The following SYT1 variants were observed in gnomAD, a reference collection of about 807,000 sequenced individuals.
SYT1 encodes the protein synaptotagmin 1, also known as synaptotagmin-1.
A neutral mutation model predicts 44.8 loss-of-function variants in SYT1; 8 were observed. The ratio of observed to expected loss-of-function variants is 0.18; its 90% CI spans 0.10 to 0.32. The LOEUF is 0.32. Ranked by LOEUF, SYT1 falls within the 10% of genes least tolerant of loss-of-function variation. The pLI is 1.00. For missense variants in SYT1, 286 were observed against 509.3 expected (o/e 0.56, Z 4.22); for synonymous variants, 154 against 188.8 (o/e 0.82, Z 1.51).
intron 3 of SYT1, among the ~76,000 whole-genome samples, chr12:79,174,766 T>C (rs188857453): frequency 6.6e-6 from 1 of 152,142 alleles, no homozygotes; most frequent in African/African-American, 2.4e-5. Context: ...GTTAAAAAAT[T>C]ATATTCCTTC....
chr12:79,413,432 C>T (rs184077268), intron 9 of SYT1, among the ~76,000 whole-genome samples: 60 of 152,302 alleles, frequency 3.9e-4, no homozygotes, highest in Admixed American at 2.5e-3. Context: ...AAATAGGATA[C>T]TCCCCATCTA....
chr12:79,215,556 G>A (rs1445704540), intron 3 of SYT1, among the ~76,000 whole-genome samples: 1 of 152,060 alleles, frequency 6.6e-6, no homozygotes, highest in South Asian at 2.1e-4. Flanking sequence ...AAGGCCAGGT[G>A]CGGTGGCTCA....
At chr12:79,295,350 A>G (rs1879829975) in intron 6 of SYT1, among the ~76,000 whole-genome samples, 1 of 152,172 alleles carries the variant, frequency 6.6e-6, no homozygotes. Flanking sequence ...AAAGAAATGT[A>G]ATAGTTCTGT....
At chr12:79,279,846 T>A (rs1269474736) in intron 4 of SYT1, among the ~76,000 whole-genome samples, 5 of 151,932 alleles carry the variant, frequency 3.3e-5, no homozygotes, top group Non-Finnish European at 5.9e-5. Context: ...TATATGCCAA[T>A]AATGATCAAG....
At chr12:78,988,219 C>G (rs550392978) in intron 2 of SYT1, among the ~76,000 whole-genome samples, 59 of 151,526 alleles carry the variant, frequency 3.9e-4, no homozygotes, top group Non-Finnish European at 7.2e-4. Flanking sequence ...TCCTTGCCAT[C>G]ATGGTTTTTA....
intron 2 of SYT1, among the ~76,000 whole-genome samples, chr12:79,034,099 TG>T (rs896713460): frequency 5.2e-4 from 79 of 151,620 alleles, no homozygotes; most frequent in African/African-American, 1.9e-3. Context: ...GCTGTCCTGT[TG>T]ATTTTGAATT....
At chr12:79,248,162 T>G (rs918847730) in intron 4 of SYT1, among the ~76,000 whole-genome samples, 9 of 152,170 alleles carry the variant, frequency 5.9e-5, no homozygotes, top group African/African-American at 2.2e-4. Flanking sequence ...CCAATGAGAT[T>G]TCTGAAAAAA....
At chr12:79,151,967 G>A (rs908738278) in intron 3 of SYT1, among the ~76,000 whole-genome samples, 1 of 152,122 alleles carries the variant, frequency 6.6e-6, no homozygotes, top group Non-Finnish European at 1.5e-5. Flanking sequence ...AAAGGGCTGA[G>A]AAAAGAACTG....
chr12:79,156,853 G>A (rs1274808126), intron 3 of SYT1, among the ~76,000 whole-genome samples: 1 of 152,116 alleles, frequency 6.6e-6, no homozygotes, highest in African/African-American at 2.4e-5. Flanking sequence ...TGTACTCAGT[G>A]ACTTCACTCA....
chr12:79,239,077 A>G (rs190455103), intron 4 of SYT1, among the ~76,000 whole-genome samples: 2 of 152,320 alleles, frequency 1.3e-5, no homozygotes, highest in Admixed American at 1.3e-4. Flanking sequence ...TACTGCTCCT[A>G]TACAGCAGGC....
intron 1 of SYT1, among the ~76,000 whole-genome samples, chr12:78,949,326 G>T (rs1878839626): frequency 6.6e-6 from 1 of 151,506 alleles, no homozygotes; most frequent in African/African-American, 2.4e-5. Flanking sequence ...ATATTAAAAT[G>T]GGTGTGAAAT....
chr12:78,961,542 AAGG>A (rs1412194590), intron 1 of SYT1, among the ~76,000 whole-genome samples: 1 of 152,110 alleles, frequency 6.6e-6, no homozygotes, highest in East Asian at 1.9e-4. Flanking sequence ...GTCTTTGTAG[AAGG>A]AGAAGATTTT....
chr12:78,896,529 A>G (rs1278929084), intron 1 of SYT1, among the ~76,000 whole-genome samples: 1 of 151,796 alleles, frequency 6.6e-6, no homozygotes, highest in Non-Finnish European at 1.5e-5. Flanking sequence ...GGAAAGAGAG[A>G]ACAAACATAT....
At chr12:79,433,272 C>T (rs1290637043) in intron 9 of SYT1, among the ~76,000 whole-genome samples, 1 of 152,150 alleles carries the variant, frequency 6.6e-6, no homozygotes, top group Non-Finnish European at 1.5e-5. Context: ...CACTGAAGAC[C>T]AGGAACCCGT....
intron 2 of SYT1, among the ~76,000 whole-genome samples, chr12:78,978,829 C>A (rs1227875985): frequency 6.6e-6 from 1 of 152,156 alleles, no homozygotes; most frequent in Non-Finnish European, 1.5e-5. Context: ...ACTTTCTTTT[C>A]CCTGAGGAAG....
At chr12:78,980,032 C>A (rs1030467288) in intron 2 of SYT1, among the ~76,000 whole-genome samples, 30 of 152,030 alleles carry the variant, frequency 2.0e-4, no homozygotes, top group African/African-American at 1.4e-4. Context: ...AAATTGAATT[C>A]TTTGGGCTGA....
intron 1 of SYT1, among the ~76,000 whole-genome samples, chr12:78,936,282 GGTGGTT>G (rs1453986613): frequency 6.6e-6 from 1 of 152,048 alleles, no homozygotes; most frequent in Non-Finnish European, 1.5e-5. Flanking sequence ...TGTAACATAT[GGTGGTT>G]TAATCAGTAT....
intron 1 of SYT1, among the ~76,000 whole-genome samples, chr12:78,898,867 T>G (rs1483723048): frequency 1.3e-5 from 2 of 152,132 alleles, no homozygotes; most frequent in African/African-American, 2.4e-5. Flanking sequence ...TTGAAATGGA[T>G]ACTTACAAAT....
chr12:79,131,499 A>C (rs1230081402), intron 3 of SYT1, among the ~76,000 whole-genome samples: 1 of 152,170 alleles, frequency 6.6e-6, no homozygotes, highest in Non-Finnish European at 1.5e-5. Flanking sequence ...AGGGACTTCC[A>C]CAATTATGTT....
Sources: gnomAD v4.1 joint callset for allele counts (sites outside exome capture counted in the v4.1 genomes callset) on GRCh38, gnomAD v4.1.1 for gene constraint, MANE v1.5 for transcripts, NCBI Gene and HGNC (gene_info 2026-07-23, HGNC 2026-07-21) for gene names.